Variants in FAHD1 observed in about 807,000 individuals in gnomAD.
The protein encoded by FAHD1 is oxaloacetate tautomerase FAHD1, mitochondrial.
FAHD1 carries 14 observed loss-of-function variants against 12.7 expected under a neutral mutation model. The ratio of observed to expected loss-of-function variants is 1.10; its 90% confidence interval spans 0.73 to 1.72. The LOEUF (loss-of-function observed/expected upper bound fraction) is 1.72, where lower values mean the gene tolerates loss of function less well. FAHD1 is among the 40% of genes most tolerant of loss of function. FAHD1 has a pLI of 0.00. For missense variants in FAHD1, 351 were observed against 298.9 expected, an observed-to-expected ratio of 1.17 and a Z score of -1.29; for synonymous variants, 153 against 124.9, an observed-to-expected ratio of 1.22 and a Z score of -1.50.
rs111899105 is a variant in FAHD1 at position 1,828,040 on chromosome 16, G to C, written c.*136G>C. 6,406 of 1,438,594 alleles carry C rather than the reference G, an allele frequency of 4.5e-3. 82 individuals carry two copies. The highest frequency in any genetic ancestry group is 0.014 in the Middle Eastern group (71 of 4,922). 89.1% of individuals were successfully genotyped at this position (1,438,594 alleles called of 1,614,324 possible). ...CTCACGCCTGTAATCGCAGCACTTT[G>C]GGAGGCCGAGGCGGGCGGCTCACGA... On this transcript the variant is annotated 3_prime_UTR_variant, in exon 1 of 1. Coordinates refer to ENST00000427358, the Ensembl canonical transcript of FAHD1.
chr16:1,839,085 T>C (rs1223344709), intron 2 of FAHD1, among the ~76,000 whole-genome samples: 1 of 152,256 alleles, frequency 6.6e-6, no homozygotes, highest in East Asian at 1.9e-4. Flanking sequence ...ATAAAATATG[T>C]AACATTTGTT....
chr16:1,835,440 TAACC>T (rs1898717350), intron 1 of FAHD1, among the ~76,000 whole-genome samples: 1 of 152,194 alleles, frequency 6.6e-6, no homozygotes, highest in Non-Finnish European at 1.5e-5. Flanking sequence ...TACAGCACTT[TAACC>T]AACATTTTAT....
chr16:1,839,143 T>A, intron 2 of FAHD1: 1 of 1,277,942 alleles, frequency 7.8e-7, no homozygotes, highest in Non-Finnish European at 1.0e-6. Flanking sequence ...TCCCAGGCTG[T>A]TTATTAGTGA....
chr16:1,833,558 T>TTC (rs1466587471), downstream of FAHD1, among the ~76,000 whole-genome samples: 3,852 of 138,632 alleles, frequency 0.028, 67 homozygotes, highest in Non-Finnish European at 0.042. Context: ...GAGGTACTTT[T>TTC]TTTTTTTTTT....
At chr16:1,835,869 T>C (rs1260713678) in intron 1 of FAHD1, among the ~76,000 whole-genome samples, 1 of 151,804 alleles carries the variant, frequency 6.6e-6, no homozygotes, top group Non-Finnish European at 1.5e-5. Flanking sequence ...TTTCTTTTTT[T>C]TTTTTTTTGA....
chr16:1,829,826 G>C (rs1268248111), downstream of FAHD1, among the ~76,000 whole-genome samples: 1 of 151,912 alleles, frequency 6.6e-6, no homozygotes, highest in Non-Finnish European at 1.5e-5. Flanking sequence ...TTTTTAAATA[G>C]AGTTTGCTCA....
downstream of FAHD1, among the ~76,000 whole-genome samples, chr16:1,830,365 A>G (rs1331586922): frequency 1.3e-5 from 2 of 152,198 alleles, no homozygotes; most frequent in Admixed American, 6.5e-5. Context: ...CTAGGTTCCC[A>G]TAAGTGGAAG....
At chr16:1,836,158 CAT>C (rs1416178988) in intron 1 of FAHD1, among the ~76,000 whole-genome samples, 1 of 144,462 alleles carries the variant, frequency 6.9e-6, no homozygotes. Context: ...AAATCTTCAA[CAT>C]GTGTTATTTT....
chr16:1,834,655 T>C (rs62038399), intron 1 of FAHD1, among the ~76,000 whole-genome samples: 2 of 152,178 alleles, frequency 1.3e-5, no homozygotes, highest in African/African-American at 2.4e-5. Flanking sequence ...GGCCGGGTGC[T>C]GGTGCAGTGG....
downstream of FAHD1, among the ~76,000 whole-genome samples, chr16:1,830,966 G>A (rs545607718): frequency 8.2e-4 from 94 of 114,382 alleles, 1 homozygote; most frequent in Non-Finnish European, 1.2e-3. Context: ...GAAATGCGTC[G>A]GGATGGTGAC....
chr16:1,829,693 C>T (rs1596954652), downstream of FAHD1, among the ~76,000 whole-genome samples: 1 of 152,100 alleles, frequency 6.6e-6, no homozygotes, highest in African/African-American at 2.4e-5. Context: ...CATGTAATTA[C>T]AGAAGAGTCA....
At chr16:1,838,032 T>C (rs751059643) in exon 2 of FAHD1, 29 of 1,364,552 alleles carry the variant, frequency 2.1e-5, no homozygotes, top group African/African-American at 4.5e-5. Flanking sequence ...GGTCTCACTC[T>C]GTCGCCCAAG....
chr16:1,838,049 T>C, exon 2 of FAHD1: 2 of 1,204,602 alleles, frequency 1.7e-6, no homozygotes, highest in Non-Finnish European at 2.3e-6. Flanking sequence ...CAAGCTGGAG[T>C]GCAGCAGTGC....
chr16:1,835,338 C>T (rs1898714524), intron 1 of FAHD1, among the ~76,000 whole-genome samples: 1 of 151,988 alleles, frequency 6.6e-6, no homozygotes, highest in South Asian at 2.1e-4. Context: ...AGACTTTAAG[C>T]TGTAGCAGGG....
chr16:1,838,036 G>T, exon 2 of FAHD1: 1 of 1,325,174 alleles, frequency 7.5e-7, no homozygotes, highest in South Asian at 1.6e-5. Context: ...TCACTCTGTC[G>T]CCCAAGCTGG....
At chr16:1,828,724 G>A in exon 1 of FAHD1, 2 of 957,626 alleles carry the variant, frequency 2.1e-6, no homozygotes, top group Non-Finnish European at 2.5e-6. Flanking sequence ...CATTCCAAGT[G>A]ATTCTTATCA....
At chr16:1,839,409 G>A (rs1898839021) in exon 3 of FAHD1, 2 of 1,613,058 alleles carry the variant, frequency 1.2e-6, no homozygotes, top group African/African-American at 2.7e-5. Flanking sequence ...CATGTTAGAT[G>A]CTTCATTTAC....
chr16:1,831,855 A>G (rs992894187), downstream of FAHD1, among the ~76,000 whole-genome samples: 1 of 152,130 alleles, frequency 6.6e-6, no homozygotes, highest in Non-Finnish European at 1.5e-5. Context: ...TGAGTATCTA[A>G]TGCCTGGATC....
chr16:1,839,179 AAAC>A (rs1301993290), intron 2 of FAHD1: 1 of 1,446,820 alleles, frequency 6.9e-7, no homozygotes, highest in African/African-American at 1.4e-5. Flanking sequence ...ATGTTTGACA[AAAC>A]AACCTATATT....
Sources: gnomAD v4.1 joint callset for allele counts (sites outside exome capture counted in the v4.1 genomes callset) on GRCh38, gnomAD v4.1.1 for gene constraint, MANE v1.5 for transcripts, NCBI Gene and HGNC (gene_info 2026-07-23, HGNC 2026-07-21) for gene names.